DUS2: variants seen among roughly 807,000 people sequenced by gnomAD.
DUS2 encodes tRNA-dihydrouridine(20) synthase [NAD(P)+]-like.
Under a neutral mutation model 71.3 loss-of-function variants are expected in DUS2, and 52 were observed. The ratio of observed to expected loss-of-function variants is 0.73; its 90% CI spans 0.58 to 0.92. DUS2 has a LOEUF of 0.92. Ranked by LOEUF, DUS2 falls within the 40% of genes least tolerant of loss-of-function variation. The probability of loss-of-function intolerance (pLI) is 0.00; values close to 1 mark genes in which losing one functional copy is unlikely to be tolerated. For missense variants in DUS2, 558 were observed against 622.6 expected (o/e 0.90, Z 1.10); for synonymous variants, 204 against 227.8 (o/e 0.90, Z 0.94).
intron 10 of DUS2, among the ~76,000 whole-genome samples, chr16:68,069,459 G>A (rs760543134): frequency 4.6e-5 from 7 of 152,182 alleles, no homozygotes; most frequent in South Asian, 4.1e-4. Context: ...CTATCTGGTC[G>A]ACCGTCTTGC....
At chr16:68,037,628 A>G (rs897966732) in intron 2 of DUS2, among the ~76,000 whole-genome samples, 1 of 152,058 alleles carries the variant, frequency 6.6e-6, no homozygotes, top group Admixed American at 6.6e-5. Context: ...CATGTTGGCC[A>G]GGCTGGTCTC....
At chr16:68,071,708 A>T (rs941106925) in intron 12 of DUS2, among the ~76,000 whole-genome samples, 1 of 145,992 alleles carries the variant, frequency 6.8e-6, no homozygotes, top group Non-Finnish European at 1.5e-5. Flanking sequence ...CATAATCATG[A>T]CTCACTGCAG....
In DUS2 at chr16:68,023,333, T is replaced by A; in HGVS notation, c.-117T>A. 1 of 1,157,582 alleles carries A rather than the reference T, an allele frequency of 8.6e-7. No individual in the cohort carries two copies. The highest frequency in any genetic ancestry group is 1.2e-6 in the Non-Finnish European group (1 of 833,194). 71.7% of individuals were successfully genotyped at this position (1,157,582 alleles called of 1,614,324 possible). A position where few individuals can be genotyped will look rare whatever the true frequency, so the allele number is the denominator to read the frequency against. On this transcript the variant is annotated 5_prime_UTR_variant, in exon 1 of 17. Transcript: ENST00000565263. Reference sequence around the variant, plus strand: ...CCGTGAGGAAGAAGCGAGGTTCTTTTTAAGAGTTCAGCTGCGAGGTCTGTA... The same window carrying A: ...CCGTGAGGAAGAAGCGAGGTTCTTTATAAGAGTTCAGCTGCGAGGTCTGTA...
intron 2 of DUS2, among the ~76,000 whole-genome samples, chr16:68,037,242 T>C (rs2033544347): frequency 6.6e-6 from 1 of 151,408 alleles, no homozygotes; most frequent in African/African-American, 2.4e-5. Context: ...TTAATAAATA[T>C]TCGTTAGATG....
At chr16:68,042,387 G>A (rs2033637898) in intron 3 of DUS2, among the ~76,000 whole-genome samples, 1 of 152,142 alleles carries the variant, frequency 6.6e-6, no homozygotes, top group South Asian at 2.1e-4. Flanking sequence ...ATCCGGAAGT[G>A]GGATTGCTAG....
intron 10 of DUS2, among the ~76,000 whole-genome samples, chr16:68,069,503 C>A (rs539180296): frequency 3.3e-5 from 5 of 152,212 alleles, no homozygotes; most frequent in Admixed American, 1.3e-4. Flanking sequence ...CAGGTCAGGC[C>A]TCACGTCAGC....
chr16:68,025,587 TC>T (rs1055609832), intron 2 of DUS2, 93 bp downstream of exon 2: 3 of 152,040 alleles, frequency 2.0e-5, no homozygotes, highest in African/African-American at 7.2e-5. Context: ...TATGCTTGAG[TC>T]CTTACAATAT....
intron 4 of DUS2, 24 bp from the exon 5 acceptor site, chr16:68,053,540 C>G: frequency 1.2e-6 from 2 of 1,613,132 alleles, no homozygotes; most frequent in Non-Finnish European, 1.7e-6. Flanking sequence ...TTGAGTGACC[C>G]TATGTGTTTG....
Position 68,078,471 on chromosome 16 carries a change from C to G in DUS2, c.1197C>G (p.Phe399Leu), listed in dbSNP as rs758469806. 2 of 1,614,172 alleles carry G rather than the reference C, an allele frequency of 1.2e-6. No individual in the cohort carries two copies. The highest frequency in any genetic ancestry group is 2.2e-5 in the East Asian group (1 of 44,882). The change falls in exon 16 of 17, where the codon TTC becomes TTG. Residue 399 changes from phenylalanine (F) to leucine (L), a missense_variant. Coordinates refer to ENST00000565263, the MANE Select transcript of DUS2 (RefSeq NM_017803.5). ...TTCAACGCCCTCTAGATCGCCTGTT[C>G]TCCTCTATTGTCACCGTTGCTGAAC... ...ETVQRPLDRLFSSIVTVAEQK... is the reference protein window; with the variant it reads ...ETVQRPLDRLLSSIVTVAEQK...
intron 10 of DUS2, among the ~76,000 whole-genome samples, chr16:68,068,552 A>G (rs1384677209): frequency 1.3e-5 from 2 of 150,320 alleles, no homozygotes; most frequent in East Asian, 3.9e-4. Flanking sequence ...AATCCTTGGC[A>G]CAGTGCCTGG....
At chr16:68,032,390 C>T (rs2033453121) in intron 2 of DUS2, among the ~76,000 whole-genome samples, 1 of 152,134 alleles carries the variant, frequency 6.6e-6, no homozygotes, top group Non-Finnish European at 1.5e-5. Context: ...AGCTTGTTGT[C>T]CTGGTGGTCT....
At chr16:68,033,390 TTTTC>T (rs1483188471) in intron 2 of DUS2, among the ~76,000 whole-genome samples, 1 of 152,116 alleles carries the variant, frequency 6.6e-6, no homozygotes, top group Non-Finnish European at 1.5e-5. Context: ...ATGGGAAAGA[TTTTC>T]TTTCTACATA....
At chr16:68,066,176 A>T (rs1375270571) in intron 8 of DUS2, 141 bp from the exon 9 acceptor site, 10 of 788,908 alleles carry the variant, frequency 1.3e-5, no homozygotes, top group Non-Finnish European at 1.8e-5. Context: ...GTATGTGTGT[A>T]ACAGACACAC....
At position 68,071,034 on chromosome 16, in the gene DUS2, A is replaced by T. The variant is rs368601846; in HGVS notation, c.736A>T (p.Met246Leu). ...ASSVMVARAA[M>L]WNPSIFLKEG... ...TTCCGTGATGGTGGCCCGAGCAGCC[A>T]TGTGGAACCCATCTATCTTCCTCAA... The change falls in exon 12 of 17, where the codon ATG (methionine) becomes TTG (leucine). Residue 246 changes from methionine (M) to leucine (L), a missense_variant. Coordinates refer to ENST00000565263, the MANE Select transcript of DUS2 (RefSeq NM_017803.5). 4.3e-6 allele frequency: 7 copies of T among 1,614,098 alleles called. No individual in the cohort carries two copies. In the African/African-American group the frequency reaches 9.3e-5, roughly 22 times the overall value.
intron 15 of DUS2, chr16:68,078,100 T>C: frequency 3.1e-6 from 1 of 326,970 alleles, no homozygotes; most frequent in Non-Finnish European, 5.8e-6. Context: ...ACGTGTGCCT[T>C]CTCTGCTCCT....
In DUS2 at chr16:68,039,564, G is replaced by A. The variant is rs193258337; in HGVS notation, c.126+1415G>A. On this transcript the variant is annotated intron_variant, in intron 3 of 16. Coordinates refer to ENST00000565263, the MANE Select transcript of DUS2 (RefSeq NM_017803.5). ...CTCCCGAGTAGCTGGGACTACAGGC[G>A]TCCGCCACCACGCCTGGCTAATTTC... Among the ~76,000 whole-genome samples the A allele has an allele frequency of 5.6e-4, 85 of 152,124 alleles. No individual in the cohort carries two copies. In the East Asian group the frequency reaches 0.014, roughly 25 times the overall value.
intron 12 of DUS2, among the ~76,000 whole-genome samples, chr16:68,072,743 G>A (rs558161585): frequency 6.6e-6 from 1 of 152,178 alleles, no homozygotes; most frequent in Non-Finnish European, 1.5e-5. Context: ...GCTGGGGAAG[G>A]CCACCTTCAC....
At chr16:68,050,830 C>G (rs1056811220) in intron 4 of DUS2, among the ~76,000 whole-genome samples, 1 of 152,144 alleles carries the variant, frequency 6.6e-6, no homozygotes, top group Non-Finnish European at 1.5e-5. Flanking sequence ...AGAGCCTTAA[C>G]AGGGGTTCCC....
At chr16:68,049,679 C>T in intron 4 of DUS2, 129 bp downstream of exon 4, 1 of 834,194 alleles carries the variant, frequency 1.2e-6, no homozygotes, top group Non-Finnish European at 2.0e-6. Context: ...TCACATGCTC[C>T]CTTGAGAGCA....
Sources: gnomAD v4.1 joint callset for allele counts (sites outside exome capture counted in the v4.1 genomes callset) on GRCh38, gnomAD v4.1.1 for gene constraint, MANE v1.5 for transcripts, NCBI Gene and HGNC (gene_info 2026-07-23, HGNC 2026-07-21) for gene names.